STPG2: variants seen among roughly 807,000 people sequenced by gnomAD.
STPG2 encodes sperm tail PG-rich repeat containing 2.
A neutral mutation model predicts 54.2 loss-of-function variants in STPG2; 56 were observed. The observed-to-expected ratio is 1.03, with a 90% CI of 0.83 to 1.29. The LOEUF is 1.29. STPG2 is among the 50% of genes most tolerant of loss of function. The pLI is 0.00. For synonymous variants in STPG2, 200 were observed against 181.8 expected, an observed-to-expected ratio of 1.10 and a Z score of -0.81; for missense variants, 596 against 544.9, an observed-to-expected ratio of 1.09 and a Z score of -0.93.
chr4:97,877,699 C>A (rs925761066), intron 8 of STPG2, among the ~76,000 whole-genome samples: 9 of 152,160 alleles, frequency 5.9e-5, no homozygotes, highest in Non-Finnish European at 1.2e-4. Context: ...ACGGGAGCTA[C>A]AATTCAAGAT....
intron 4 of STPG2, among the ~76,000 whole-genome samples, chr4:97,539,966 C>A (rs1307927508): frequency 2.0e-5 from 3 of 152,148 alleles, no homozygotes; most frequent in African/African-American, 7.2e-5. Context: ...CTCTGAGACA[C>A]ATTTAAAGCA....
At chr4:97,775,336 T>C (rs1726343631) in intron 9 of STPG2, among the ~76,000 whole-genome samples, 1 of 152,190 alleles carries the variant, frequency 6.6e-6, no homozygotes, top group African/African-American at 2.4e-5. Context: ...ACATGTGCCA[T>C]GTTGGTGTGC....
chr4:97,593,542 G>A (rs1223738429), intron 10 of STPG2, among the ~76,000 whole-genome samples: 1 of 152,096 alleles, frequency 6.6e-6, no homozygotes, highest in Non-Finnish European at 1.5e-5. Flanking sequence ...CTGCATGGGT[G>A]AGCATGGAGT....
chr4:97,442,218 T>G (rs574809508), intron 4 of STPG2, among the ~76,000 whole-genome samples: 37 of 143,928 alleles, frequency 2.6e-4, no homozygotes, highest in Admixed American at 1.0e-3. Context: ...ACATGACATG[T>G]TTTTTTTTGT....
At chr4:97,538,984 G>A (rs1354091387) in intron 4 of STPG2, among the ~76,000 whole-genome samples, 2 of 152,108 alleles carry the variant, frequency 1.3e-5, no homozygotes, top group Non-Finnish European at 2.9e-5. Flanking sequence ...TTACAGATAA[G>A]CAAATGCTGA....
At chr4:98,026,190 T>G in intron 5 of STPG2, 1 of 1,250,830 alleles carries the variant, frequency 8.0e-7, no homozygotes, top group Admixed American at 1.7e-5. Context: ...AAAATGTCCC[T>G]TGCTCAGAAG....
chr4:97,860,830 A>C (rs1729507388), intron 8 of STPG2, among the ~76,000 whole-genome samples: 1 of 152,150 alleles, frequency 6.6e-6, no homozygotes. Flanking sequence ...GAAGTGGTAA[A>C]AGTGTGAGTC....
At chr4:97,674,185 T>A (rs1209380870) in intron 10 of STPG2, among the ~76,000 whole-genome samples, 2 of 152,124 alleles carry the variant, frequency 1.3e-5, no homozygotes, top group African/African-American at 2.4e-5. Flanking sequence ...GTCCCTCTAA[T>A]CAGATCAAAA....
At chr4:97,597,818 CAGA>C (rs1254247148) in intron 10 of STPG2, among the ~76,000 whole-genome samples, 2 of 151,924 alleles carry the variant, frequency 1.3e-5, no homozygotes, top group Admixed American at 6.6e-5. Flanking sequence ...CCTTGAGAAT[CAGA>C]AGAAGACAAT....
chr4:97,582,652 C>T (rs1330309126), intron 10 of STPG2, among the ~76,000 whole-genome samples: 1 of 151,922 alleles, frequency 6.6e-6, no homozygotes, highest in African/African-American at 2.4e-5. Context: ...AGAACACAGT[C>T]CACATAACTG....
chr4:97,862,295 C>T (rs568278829), intron 8 of STPG2, among the ~76,000 whole-genome samples: 75 of 152,038 alleles, frequency 4.9e-4, no homozygotes, highest in Middle Eastern at 3.4e-3. Context: ...AGGTTGCAAT[C>T]CTAGTCTATG....
chr4:97,902,302 G>A (rs1731208351), intron 8 of STPG2, among the ~76,000 whole-genome samples: 1 of 152,002 alleles, frequency 6.6e-6, no homozygotes, highest in Non-Finnish European at 1.5e-5. Context: ...TTAAACAAGT[G>A]GGACTATATA....
At chr4:97,919,306 T>C (rs1280836556) in intron 8 of STPG2, among the ~76,000 whole-genome samples, 2 of 149,478 alleles carry the variant, frequency 1.3e-5, no homozygotes, top group Non-Finnish European at 3.0e-5. Flanking sequence ...AAAAAACAAA[T>C]GAAAATCACA....
At chr4:97,739,520 G>A (rs1048716466) in intron 9 of STPG2, among the ~76,000 whole-genome samples, 4 of 152,124 alleles carry the variant, frequency 2.6e-5, no homozygotes, top group Admixed American at 6.5e-5. Context: ...AATAAAAAAC[G>A]ATAAAGGGGA....
chr4:97,863,171 A>G (rs1161633100), intron 8 of STPG2, among the ~76,000 whole-genome samples: 2 of 152,206 alleles, frequency 1.3e-5, no homozygotes, highest in African/African-American at 4.8e-5. Context: ...AGTTTTTTGA[A>G]AAGATCAATG....
chr4:97,759,055 T>C (rs1018004938), intron 9 of STPG2, among the ~76,000 whole-genome samples: 2 of 152,182 alleles, frequency 1.3e-5, no homozygotes, highest in African/African-American at 4.8e-5. Flanking sequence ...AATGAGATGT[T>C]TTATTCAAGT....
intron 4 of STPG2, among the ~76,000 whole-genome samples, chr4:97,503,619 T>A (rs1454407186): frequency 6.6e-6 from 1 of 151,390 alleles, no homozygotes; most frequent in African/African-American, 2.4e-5. Flanking sequence ...AAATGGAATT[T>A]GTAATTCTGA....
At chr4:97,466,802 T>C (rs1729798554) in intron 4 of STPG2, among the ~76,000 whole-genome samples, 1 of 151,954 alleles carries the variant, frequency 6.6e-6, no homozygotes, top group South Asian at 2.1e-4. Flanking sequence ...AAAAAGAAAC[T>C]AGTGATCTTT....
intron 8 of STPG2, among the ~76,000 whole-genome samples, chr4:97,919,542 G>A (rs759002368): frequency 6.6e-6 from 1 of 151,782 alleles, no homozygotes; most frequent in Non-Finnish European, 1.5e-5. Flanking sequence ...AGAATGTTAT[G>A]ATTAACTTTA....
Sources: allele counts gnomAD v4.1 joint callset (sites outside exome capture counted in the v4.1 genomes callset), GRCh38; gene constraint gnomAD v4.1.1; transcripts MANE v1.5; gene names NCBI Gene and HGNC (gene_info 2026-07-23, HGNC 2026-07-21).